TNPO1: variants seen among roughly 807,000 people sequenced by gnomAD.
TNPO1 encodes the protein transportin 1, also known as transportin-1.
In TNPO1, 8 loss-of-function variants were observed where a neutral mutation model predicts 119.5. That is an observed-to-expected ratio of 0.07 (90% CI 0.04 to 0.12). The LOEUF (loss-of-function observed/expected upper bound fraction) is 0.12. TNPO1 is among the 10% of genes least tolerant of loss of function. TNPO1 has a pLI of 1.00. For synonymous variants in TNPO1, 362 were observed against 363.0 expected (o/e 1.00, Z 0.03); for missense variants, 576 against 1,089.8 (o/e 0.53, Z 6.64).
chr5:72,845,783 A>G (rs1489864314), intron 1 of TNPO1, among the ~76,000 whole-genome samples: 1 of 151,914 alleles, frequency 6.6e-6, no homozygotes, highest in East Asian at 1.9e-4. Context: ...GCCTGATATT[A>G]TGGTACAGCC....
chr5:72,877,355 TC>T lies in TNPO1; in HGVS notation c.920+12del. ...GTAAGGCATCTTCCTAAGTAAGTGT[TC>T]CCTCTTATAAATGCTGCCTTGTTCT... is the stretch of plus-strand genomic sequence containing the variant. On this transcript the variant is annotated intron_variant, in intron 9 of 24. Transcript: ENST00000337273. 7.0e-7 allele frequency: 1 copy of T among 1,424,222 alleles called. No individual in the cohort carries two copies. Among genetic ancestry groups the T allele is most frequent in the Non-Finnish European group, 9.8e-7 (1 of 1,016,514 alleles). The allele number at this position is 1,424,222 out of a possible 1,614,324, so 88.2% of individuals were successfully genotyped here. A position where few individuals can be genotyped will look rare whatever the true frequency, so the allele number is the denominator to read the frequency against.
At chr5:72,887,274 G>A (rs536208001) in intron 12 of TNPO1, 52 bp downstream of exon 12, 1 of 1,148,160 alleles carries the variant, frequency 8.7e-7, no homozygotes, top group South Asian at 1.3e-5. Context: ...ACTACTATTA[G>A]GTACTAATAA....
intron 6 of TNPO1, among the ~76,000 whole-genome samples, chr5:72,870,668 TTTAATTTAAA>T: frequency 6.6e-6 from 1 of 152,330 alleles, no homozygotes; most frequent in African/African-American, 2.4e-5. Flanking sequence ...CACTGTTTCT[TTTAATTTAAA>T]ATGTAAGTCC....
intron 1 of TNPO1, among the ~76,000 whole-genome samples, chr5:72,819,718 C>G (rs929404293): frequency 2.0e-5 from 3 of 152,270 alleles, no homozygotes; most frequent in South Asian, 2.1e-4. Flanking sequence ...CAAAGCAAAA[C>G]TTTTCAATGT....
chr5:72,881,124 A>G (rs1223644498), intron 9 of TNPO1, among the ~76,000 whole-genome samples: 2 of 151,326 alleles, frequency 1.3e-5, no homozygotes, highest in African/African-American at 2.4e-5. Context: ...TATTATTATT[A>G]TTTTGAGATG....
intron 2 of TNPO1, among the ~76,000 whole-genome samples, chr5:72,849,574 C>G (rs1376948129): frequency 1.3e-5 from 2 of 152,224 alleles, no homozygotes; most frequent in Admixed American, 6.5e-5. Context: ...CGCAGAAATA[C>G]TGCATTGCCG....
chr5:72,912,951 CAGCTT>C lies in TNPO1; in HGVS notation c.*4279_*4283del, dbSNP rs1363501622. ...CTTTGATAATACTTCAAAACATACA[CAGCTT>C]TGCTTACTGAATTATTTTTGCAAAT... On this transcript the variant is annotated 3_prime_UTR_variant, in exon 25 of 25. Coordinates refer to ENST00000337273, the MANE Select transcript of TNPO1 (RefSeq NM_002270.4). The C allele has an allele frequency of 6.6e-6, 1 of 152,486 alleles. No homozygotes were observed. Among genetic ancestry groups the C allele is most frequent in the African/African-American group, 2.4e-5 (1 of 41,430 alleles). 9.4% of individuals were successfully genotyped at this position (152,486 alleles called of 1,614,324 possible).
intron 1 of TNPO1, among the ~76,000 whole-genome samples, chr5:72,841,869 G>T (rs1744930997): frequency 1.3e-5 from 2 of 149,396 alleles, no homozygotes. Flanking sequence ...GCTCATCATA[G>T]CATTTTTCTG....
At chr5:72,840,178 G>A (rs148665653) in intron 1 of TNPO1, among the ~76,000 whole-genome samples, 11 of 152,246 alleles carry the variant, frequency 7.2e-5, no homozygotes, top group African/African-American at 2.4e-4. Flanking sequence ...TCACATGTTC[G>A]TGGGGTGGCA....
chr5:72,861,674 G>A (rs1746459267), intron 4 of TNPO1, 134 bp from the exon 5 acceptor site: 4 of 630,844 alleles, frequency 6.3e-6, no homozygotes, highest in African/African-American at 1.8e-5. Flanking sequence ...AGAATGCTGG[G>A]ATTACAGCAT....
At chr5:72,891,423 C>A (rs1437110836) in intron 14 of TNPO1, among the ~76,000 whole-genome samples, 1 of 152,038 alleles carries the variant, frequency 6.6e-6, no homozygotes, top group African/African-American at 2.4e-5. Flanking sequence ...TGAGATCACG[C>A]CGCTGCACTC....
At position 72,888,095 on chromosome 5, in the gene TNPO1, A is replaced by T; in HGVS notation, c.1321A>T (p.Ile441Phe). Residue 441 changes from isoleucine (I) to phenylalanine (F), a missense_variant, in exon 13 of 25, where the codon ATT becomes TTT. By Grantham distance (21) the Ile-to-Phe change is conservative. This residue lies in a region of TNPO1 where 310 missense variants were observed against 583.0 expected (regional missense o/e 0.53). Coordinates refer to ENST00000337273, the MANE Select transcript of TNPO1 (RefSeq NM_002270.4). ...TTTTCTAGGTTGCATGCAGGGCATGATTCCATACTTGCCTGAGCTTATTCC... is the reference window on the plus strand; with the variant it reads ...TTTTCTAGGTTGCATGCAGGGCATGTTTCCATACTTGCCTGAGCTTATTCC... ...AIAEGCMQGM[I>F]PYLPELIPHL... The T allele has an allele frequency of 6.2e-7, 1 of 1,614,022 alleles. No homozygotes were observed. The highest frequency in any genetic ancestry group is 8.5e-7 in the Non-Finnish European group (1 of 1,180,000).
At chr5:72,888,808 G>A (rs543248665) in intron 13 of TNPO1, among the ~76,000 whole-genome samples, 5 of 152,262 alleles carry the variant, frequency 3.3e-5, no homozygotes, top group Middle Eastern at 3.4e-3. Context: ...TCACTTACCA[G>A]TTAAAGGTCT....
intron 20 of TNPO1, among the ~76,000 whole-genome samples, chr5:72,899,429 C>G (rs1288204288): frequency 6.6e-6 from 1 of 151,968 alleles, no homozygotes; most frequent in African/African-American, 2.4e-5. Context: ...CAAATTTCCA[C>G]TGGTTGGTTT....
At chr5:72,906,459 T>C (rs1217682635) in intron 24 of TNPO1, among the ~76,000 whole-genome samples, 8 of 151,842 alleles carry the variant, frequency 5.3e-5, no homozygotes, top group Non-Finnish European at 1.0e-4. Flanking sequence ...GCCTGGCTAA[T>C]TTTTGTATTT....
chr5:72,866,309 T>C (rs1358997235), intron 6 of TNPO1, among the ~76,000 whole-genome samples: 1 of 152,244 alleles, frequency 6.6e-6, no homozygotes, highest in Non-Finnish European at 1.5e-5. Flanking sequence ...TGGTTTTCCA[T>C]TATTACAACA....
At position 72,912,867 on chromosome 5, in the gene TNPO1, G is replaced by A. The variant is rs1561374768; in HGVS notation, c.*4194G>A. 1 of 152,438 alleles carries A rather than the reference G, an allele frequency of 6.6e-6. No homozygotes were observed. The highest frequency in any genetic ancestry group is 1.5e-5 in the Non-Finnish European group (1 of 67,898). 9.4% of individuals were successfully genotyped at this position (152,438 alleles called of 1,614,324 possible). A position where few individuals can be genotyped will look rare whatever the true frequency, so the allele number is the denominator to read the frequency against. On this transcript the variant is annotated 3_prime_UTR_variant, in exon 25 of 25. Transcript: ENST00000337273. ...ATTGAATGTATTAACAGATAATGGT[G>A]CAAAAGCATTCTTCCCAGGGGAAGA...
intron 9 of TNPO1, among the ~76,000 whole-genome samples, chr5:72,878,004 T>C (rs963881721): frequency 3.9e-4 from 60 of 152,286 alleles, no homozygotes; most frequent in South Asian, 1.7e-3. Flanking sequence ...AAATATACTA[T>C]TTAATGGTTT....
At chr5:72,880,216 A>G (rs1748131420) in intron 9 of TNPO1, among the ~76,000 whole-genome samples, 1 of 152,162 alleles carries the variant, frequency 6.6e-6, no homozygotes, top group African/African-American at 2.4e-5. Flanking sequence ...CACCAGTGTA[A>G]CAAGGAGGAT....
Sources: gnomAD v4.1 joint callset for allele counts (sites outside exome capture counted in the v4.1 genomes callset) on GRCh38, gnomAD v4.1.1 for gene constraint, gnomAD v4.1.1 regional missense constraint, MANE v1.5 for transcripts, NCBI Gene and HGNC (gene_info 2026-07-23, HGNC 2026-07-21) for gene names.